BLK: variants seen among roughly 807,000 people sequenced by gnomAD.
The protein encoded by BLK is BLK proto-oncogene, Src family tyrosine kinase.
BLK carries 64 observed loss-of-function variants against 61.8 expected under a neutral mutation model. The observed-to-expected ratio is 1.03, with a 90% CI of 0.85 to 1.27. BLK has a LOEUF of 1.27. Ranked by LOEUF, BLK falls within the 50% of genes most tolerant of loss-of-function variation. The probability of loss-of-function intolerance (pLI) is 0.00; values close to 1 mark genes in which losing one functional copy is unlikely to be tolerated. For synonymous variants in BLK, 351 were observed against 272.0 expected (o/e 1.29, Z -2.86); for missense variants, 853 against 660.5 (o/e 1.29, Z -3.19).
intron 1 of BLK, among the ~76,000 whole-genome samples, chr8:11,521,791 A>G (rs1799462187): frequency 6.6e-6 from 1 of 151,030 alleles, no homozygotes; most frequent in Non-Finnish European, 1.5e-5. Context: ...CTATTTTTAC[A>G]CTCCCTGGTC....
At position 11,556,761 on chromosome 8, in the gene BLK, G is replaced by T; in HGVS notation, c.876G>T (p.Gln292His). The T allele has an allele frequency of 1.2e-6, 2 of 1,614,220 alleles. No homozygotes were observed. Among genetic ancestry groups the T allele is most frequent in the Non-Finnish European group, 1.7e-6 (2 of 1,180,044 alleles). ...AGGCCAACGTGATGAAGGCTCTGCAGCACGAGCGGCTGGTCCGACTCTACG... is the reference window on the plus strand; with the variant it reads ...AGGCCAACGTGATGAAGGCTCTGCATCACGAGCGGCTGGTCCGACTCTACG... The part of the protein sequence containing the change: ...LGEANVMKAL[Q>H]HERLVRLYAV... The change falls in exon 9 of 13, where the codon CAG (glutamine) becomes CAT (histidine). Residue 292 changes from glutamine (Q) to histidine (H), a missense_variant. By Grantham distance (24) the Gln-to-His change is conservative. Transcript: ENST00000259089.
intron 5 of BLK, among the ~76,000 whole-genome samples, chr8:11,549,717 C>T (rs1800815040): frequency 6.6e-6 from 1 of 152,174 alleles, no homozygotes; most frequent in African/African-American, 2.4e-5. Flanking sequence ...GTGTGGGGAA[C>T]CGTGGGGCTG....
chr8:11,524,538 A>C (rs1369358836), intron 1 of BLK, among the ~76,000 whole-genome samples: 1 of 152,262 alleles, frequency 6.6e-6, no homozygotes, highest in East Asian at 1.9e-4. Flanking sequence ...GCTGTACGAA[A>C]TGTCTGAAGG....
chr8:11,499,517 G>C (rs1010541242), intron 1 of BLK, among the ~76,000 whole-genome samples: 3 of 152,194 alleles, frequency 2.0e-5, no homozygotes, highest in Admixed American at 6.5e-5. Flanking sequence ...TTCTTTCTTG[G>C]CATGGGTACA....
intron 1 of BLK, among the ~76,000 whole-genome samples, chr8:11,521,584 C>T (rs961475066): frequency 1.3e-5 from 2 of 152,226 alleles, no homozygotes; most frequent in African/African-American, 2.4e-5. Context: ...AGCCACTGTA[C>T]CTGGACCATA....
chr8:11,551,362 C>G (rs953727315), intron 6 of BLK, among the ~76,000 whole-genome samples: 2 of 152,188 alleles, frequency 1.3e-5, no homozygotes, highest in Non-Finnish European at 2.9e-5. Context: ...TTCTCTGTGT[C>G]CTCACGTGGC....
At chr8:11,536,539 C>A (rs1010330823) in intron 1 of BLK, among the ~76,000 whole-genome samples, 12 of 152,088 alleles carry the variant, frequency 7.9e-5, no homozygotes, top group African/African-American at 2.4e-4. Flanking sequence ...TACAGGCATG[C>A]GCCTGGCTAA....
intron 5 of BLK, chr8:11,549,944 T>C: frequency 3.4e-6 from 2 of 595,212 alleles, no homozygotes; most frequent in Non-Finnish European, 6.0e-6. Flanking sequence ...AGGAAAACAG[T>C]GAGTCCAGGG....
rs200744308 is a variant in BLK at position 11,548,049 on chromosome 8, G to C, written c.193G>C (p.Ala65Pro). The C allele has an allele frequency of 1.9e-6, 3 of 1,613,908 alleles. No homozygotes were observed. Among genetic ancestry groups the C allele is most frequent in the Non-Finnish European group, 2.5e-6 (3 of 1,179,978 alleles). Residue 65 changes from alanine to proline, a missense_variant, in exon 4 of 13, where the codon GCT (alanine) becomes CCT (proline). Physicochemically the swap from Ala to Pro is conservative, Grantham distance 27. Coordinates refer to ENST00000259089, the MANE Select transcript of BLK (RefSeq NM_001715.3). ...HLDEDKHFVV[A>P]LYDYTAMNDR... The stretch of plus-strand genomic sequence containing the variant: ...CATTTTAGACAAGCATTTCGTGGTG[G>C]CTCTGTATGACTACACCGCTATGAA...
At chr8:11,512,455 C>T (rs1450217507) in intron 1 of BLK, among the ~76,000 whole-genome samples, 1 of 152,214 alleles carries the variant, frequency 6.6e-6, no homozygotes, top group Non-Finnish European at 1.5e-5. Flanking sequence ...GAAAGCCCAA[C>T]AGTTCTAATC....
intron 1 of BLK, among the ~76,000 whole-genome samples, chr8:11,510,531 T>C (rs1293519282): frequency 2.6e-5 from 4 of 152,154 alleles, no homozygotes; most frequent in African/African-American, 9.7e-5. Flanking sequence ...GATAAGTGTA[T>C]TTTATAGGGA....
rs1310641693 is a variant in BLK, at chr8:11,546,094, C to T, written c.166C>T (p.Leu56=). ...HLTPPPPDEH[L]DEDKHFVVAL... ...TACTCCTCCACCGCCCGATGAACAC[C>T]TGGATGAAGGTAAGAAGGGTGGTTT... is the stretch of plus-strand genomic sequence containing the variant. The change falls in exon 3 of 13, where the codon CTG becomes TTG. Residue 56 remains leucine (L), a synonymous_variant. Coordinates refer to ENST00000259089, the MANE Select transcript of BLK (RefSeq NM_001715.3). 1.9e-6 allele frequency: 3 copies of T among 1,614,084 alleles called. No individual in the cohort carries two copies. In the African/African-American group the frequency reaches 4.0e-5, roughly 22 times the overall value.
At chr8:11,557,195 C>A (rs1388109222) in intron 9 of BLK, among the ~76,000 whole-genome samples, 1 of 152,180 alleles carries the variant, frequency 6.6e-6, no homozygotes, top group African/African-American at 2.4e-5. Flanking sequence ...AGATCCAGGT[C>A]TCCTGCCTCC....
At chr8:11,507,445 G>A (rs1798819519) in intron 1 of BLK, among the ~76,000 whole-genome samples, 1 of 152,208 alleles carries the variant, frequency 6.6e-6, no homozygotes, top group Admixed American at 6.5e-5. Flanking sequence ...AAGAAAGGCA[G>A]GGATGACCAC....
At chr8:11,558,859 T>A (rs1442940663) in intron 10 of BLK, 2 of 453,420 alleles carry the variant, frequency 4.4e-6, no homozygotes, top group African/African-American at 4.1e-5. Flanking sequence ...GAGGAAACGC[T>A]CCCACCCACC....
In BLK at chr8:11,561,445, C is replaced by A. The variant is rs762231914; in HGVS notation, c.1173C>A (p.Ala391=). 6.2e-7 allele frequency: 1 copy of A among 1,613,660 alleles called. No homozygotes were observed. Among genetic ancestry groups the A allele is most frequent in the Admixed American group, 1.7e-5 (1 of 59,962 alleles). ...GAATCATCGACAGTGAATACACGGC[C>A]CAAGAGGGTAAGCACAGCCCCTAAC... ...LARIIDSEYT[A]QEGAKFPIKW... Residue 391 remains alanine (A), a synonymous_variant, in exon 11 of 13, where the codon GCC becomes GCA. Transcript: ENST00000259089.
chr8:11,541,409 A>G (rs1585384195), intron 1 of BLK, among the ~76,000 whole-genome samples: 1 of 150,052 alleles, frequency 6.7e-6, no homozygotes, highest in Non-Finnish European at 1.5e-5. Context: ...TTGACAAATT[A>G]AAGGTGAACA....
chr8:11,509,621 T>C (rs2117279957), intron 1 of BLK: 1 of 152,254 alleles, frequency 6.6e-6, no homozygotes, highest in East Asian at 1.9e-4. Flanking sequence ...CCCGGCTGCC[T>C]TTTCAGCCTA....
chr8:11,522,819 T>C (rs76938695), intron 1 of BLK, among the ~76,000 whole-genome samples: 19,168 of 152,070 alleles, frequency 0.13, 1,375 homozygotes, highest in Non-Finnish European at 0.17. Context: ...AGAGTAGCAA[T>C]ATATATTGTT....
Sources: allele counts gnomAD v4.1 joint callset (sites outside exome capture counted in the v4.1 genomes callset), GRCh38; gene constraint gnomAD v4.1.1; transcripts MANE v1.5; gene names NCBI Gene and HGNC (gene_info 2026-07-23, HGNC 2026-07-21).